The following DCLK2 variants were observed in gnomAD, a reference collection of about 807,000 sequenced individuals.
The protein encoded by DCLK2 is serine/threonine-protein kinase DCLK2.
In DCLK2, 31 loss-of-function variants were observed where a neutral mutation model predicts 78.4. The observed-to-expected ratio is 0.40, with a 90% CI of 0.30 to 0.53. The LOEUF (loss-of-function observed/expected upper bound fraction) is 0.53. DCLK2 is among the 20% of genes least tolerant of loss of function. The pLI, the probability that DCLK2 is intolerant of heterozygous loss-of-function variation, is 0.61. For missense variants in DCLK2, 872 were observed against 973.7 expected (o/e 0.90, Z 1.39); for synonymous variants, 407 against 374.9 (o/e 1.09, Z -0.99).
chr4:150,245,622 G>GT (rs1007653452), intron 12 of DCLK2, among the ~76,000 whole-genome samples: 3 of 152,018 alleles, frequency 2.0e-5, no homozygotes, highest in African/African-American at 4.8e-5. Context: ...GTGGTGTTTG[G>GT]TTTTTTGTCC....
At chr4:150,117,354 G>A (rs1732170428) in intron 2 of DCLK2, among the ~76,000 whole-genome samples, 1 of 152,164 alleles carries the variant, frequency 6.6e-6, no homozygotes, top group East Asian at 1.9e-4. Flanking sequence ...ACTCAAAAAT[G>A]CCTCAGGCCA....
At chr4:150,224,674 A>C in intron 8 of DCLK2, 116 bp downstream of exon 8, 1 of 748,008 alleles carries the variant, frequency 1.3e-6, no homozygotes, top group Non-Finnish European at 2.1e-6. Context: ...AGGAGTAGAG[A>C]CCAGTAATAG....
intron 1 of DCLK2, among the ~76,000 whole-genome samples, chr4:150,093,803 C>A (rs1026902711): frequency 6.6e-6 from 1 of 152,106 alleles, no homozygotes; most frequent in Non-Finnish European, 1.5e-5. Context: ...TTTCCTGATT[C>A]CAAAATATAT....
At chr4:150,234,491 G>A (rs527802392) in intron 10 of DCLK2, among the ~76,000 whole-genome samples, 43 of 152,340 alleles carry the variant, frequency 2.8e-4, no homozygotes, top group Non-Finnish European at 3.5e-4. Flanking sequence ...AGCCTCTACA[G>A]CCTGCTGTGA....
At chr4:150,206,102 A>G (rs1739823469) in intron 5 of DCLK2, among the ~76,000 whole-genome samples, 1 of 152,182 alleles carries the variant, frequency 6.6e-6, no homozygotes, top group South Asian at 2.1e-4. Flanking sequence ...CTTATTAGTA[A>G]TTACAACTAT....
At chr4:150,223,630 G>C (rs1741365310) in intron 7 of DCLK2, among the ~76,000 whole-genome samples, 1 of 152,060 alleles carries the variant, frequency 6.6e-6, no homozygotes, top group South Asian at 2.1e-4. Context: ...TGTAATCCCA[G>C]CTCCTTGGGA....
Position 150,253,125 on chromosome 4 carries a change from T to TCCTCCTCAC in DCLK2, c.2074-2894_2074-2886dup, listed in dbSNP as rs1744305772. 20 of 433,592 alleles carry TCCTCCTCAC rather than the reference T, an allele frequency of 4.6e-5. 1 individual carries two copies. Among genetic ancestry groups the TCCTCCTCAC allele is most frequent in the South Asian group, 3.3e-4 (20 of 60,844 alleles). The allele number at this position is 433,592 out of a possible 1,614,324, so 26.9% of individuals were successfully genotyped here. A position where few individuals can be genotyped will look rare whatever the true frequency, so the allele number is the denominator to read the frequency against. On this transcript the variant is annotated intron_variant, in intron 15 of 15. Coordinates refer to ENST00000296550, the MANE Select transcript of DCLK2 (RefSeq NM_001040260.4). ...CTCCTCATCCTCCTCATCCTCCTCATCCTCCTCACGTCACTGTGTGTCCTG... is the reference window on the plus strand; with the variant it reads ...CTCCTCATCCTCCTCATCCTCCTCATCCTCCTCACCCTCCTCACGTCACTGTGTGTCCTG...
chr4:150,138,018 C>T lies in DCLK2; in HGVS notation c.756+35206C>T, dbSNP rs1260140486. Among the ~76,000 whole-genome samples, 5 of 152,272 alleles carry T rather than the reference C, an allele frequency of 3.3e-5. No homozygotes were observed. In the East Asian group the frequency reaches 5.8e-4, roughly 18 times the overall value. ...AATAGAGAAATTAGGTACTGTATCT[C>T]GTACTTTCATTAGGGCTATGTTCAT... On this transcript the variant is annotated intron_variant, in intron 2 of 15. Transcript: ENST00000296550.
chr4:150,149,031 C>G (rs1313760431), intron 2 of DCLK2, among the ~76,000 whole-genome samples: 1 of 87,574 alleles, frequency 1.1e-5, no homozygotes, highest in Non-Finnish European at 2.4e-5. Flanking sequence ...GAGTGACAGA[C>G]TGTCTCAAAA....
intron 8 of DCLK2, among the ~76,000 whole-genome samples, chr4:150,230,972 G>T (rs189702971): frequency 3.9e-5 from 6 of 152,340 alleles, no homozygotes. Context: ...AAACCCTGGT[G>T]TGATTCTTAA....
At chr4:150,176,189 T>A (rs1219632793) in intron 2 of DCLK2, among the ~76,000 whole-genome samples, 1 of 152,136 alleles carries the variant, frequency 6.6e-6, no homozygotes, top group African/African-American at 2.4e-5. Flanking sequence ...TGCCTATCCT[T>A]GTAGTAAAAG....
chr4:150,168,124 A>C (rs1025907035), intron 2 of DCLK2, among the ~76,000 whole-genome samples: 1 of 152,162 alleles, frequency 6.6e-6, no homozygotes, highest in Non-Finnish European at 1.5e-5. Context: ...CGGGCGGATC[A>C]CGAGGTCAGG....
chr4:150,252,934 G>A (rs999632620), intron 15 of DCLK2, among the ~76,000 whole-genome samples: 14 of 152,124 alleles, frequency 9.2e-5, no homozygotes, highest in African/African-American at 3.1e-4. Flanking sequence ...ACCCATTCTC[G>A]ATGGCCAAAA....
chr4:150,091,190 A>G (rs1357231455), intron 1 of DCLK2, among the ~76,000 whole-genome samples: 1 of 152,238 alleles, frequency 6.6e-6, no homozygotes, highest in African/African-American at 2.4e-5. Flanking sequence ...CCTTAAAATT[A>G]TAATCCACCC....
chr4:150,189,223 A>G (rs1335894552), intron 2 of DCLK2, among the ~76,000 whole-genome samples: 1 of 128,896 alleles, frequency 7.8e-6, no homozygotes, highest in Non-Finnish European at 1.7e-5. Flanking sequence ...AAACTGCAGT[A>G]GATACATTTT....
At chr4:150,128,181 C>G (rs1269846484) in intron 2 of DCLK2, among the ~76,000 whole-genome samples, 1 of 152,138 alleles carries the variant, frequency 6.6e-6, no homozygotes, top group Non-Finnish European at 1.5e-5. Context: ...ACATATTCTA[C>G]AGTGCATAGG....
At position 150,093,933 on chromosome 4, in the gene DCLK2, A is replaced by G. The variant is rs773719201; in HGVS notation, c.422-8545A>G. Among the ~76,000 whole-genome samples the G allele has an allele frequency of 7.7e-4, 117 of 152,350 alleles. No individual in the cohort carries two copies. In the Middle Eastern group the frequency reaches 0.01, roughly 13 times the overall value. ...ATATGTATGGTCAGCTGTATCTTCAACAGGGTTGCCAAGAATACACAATGG... is the reference window on the plus strand; with the variant it reads ...ATATGTATGGTCAGCTGTATCTTCAGCAGGGTTGCCAAGAATACACAATGG... On this transcript the variant is annotated intron_variant, in intron 1 of 15. Coordinates refer to ENST00000296550, the MANE Select transcript of DCLK2 (RefSeq NM_001040260.4).
At chr4:150,250,550 C>T (rs1463436066) in intron 15 of DCLK2, among the ~76,000 whole-genome samples, 7 of 151,882 alleles carry the variant, frequency 4.6e-5, no homozygotes, top group Non-Finnish European at 8.8e-5. Flanking sequence ...TGGCCTTTCC[C>T]AGAGCTGGAG....
In DCLK2 at chr4:150,181,822, G is replaced by A. The variant is rs978859734; in HGVS notation, c.757-11316G>A. On this transcript the variant is annotated intron_variant, in intron 2 of 15. Transcript: ENST00000296550. ...AGTAGCTTTCTTCTTCCTGTAGAAAGGGTCCTTCCCTTACTGTAGGCCAGC... is the reference window on the plus strand; with the variant it reads ...AGTAGCTTTCTTCTTCCTGTAGAAAAGGTCCTTCCCTTACTGTAGGCCAGC... Among the ~76,000 whole-genome samples, 4 of 152,098 alleles carry A rather than the reference G, an allele frequency of 2.6e-5. 1 individual carries two copies. The highest frequency in any genetic ancestry group is 5.9e-5 in the Non-Finnish European group (4 of 68,016).
Sources: allele counts gnomAD v4.1 joint callset (sites outside exome capture counted in the v4.1 genomes callset), GRCh38; gene constraint gnomAD v4.1.1; transcripts MANE v1.5; gene names NCBI Gene and HGNC (gene_info 2026-07-23, HGNC 2026-07-21).